Variants in CDH18 observed in about 807,000 individuals in gnomAD.
CDH18 encodes cadherin-18.
In CDH18, 31 loss-of-function variants were observed where a neutral mutation model predicts 67.9. The observed-to-expected ratio is 0.46, with a 90% confidence interval of 0.34 to 0.62. CDH18 has a LOEUF of 0.62. Among genes scored for constraint, CDH18 ranks in the 20% least tolerant of loss-of-function variants. The probability of loss-of-function intolerance (pLI) is 0.01; values close to 1 mark genes in which losing one functional copy is unlikely to be tolerated. For synonymous variants in CDH18, 362 were observed against 347.2 expected (o/e 1.04, Z -0.48); for missense variants, 890 against 975.5 (o/e 0.91, Z 1.17).
intron 1 of CDH18, among the ~76,000 whole-genome samples, chr5:20,383,520 G>T (rs1361843184): frequency 6.6e-6 from 1 of 152,062 alleles, no homozygotes; most frequent in Non-Finnish European, 1.5e-5. Flanking sequence ...TTTCTTTTTG[G>T]TTTGTTTTAT....
chr5:19,812,939 G>A (rs116592167), intron 3 of CDH18, among the ~76,000 whole-genome samples: 1,925 of 152,076 alleles, frequency 0.013, 36 homozygotes, highest in Non-Finnish European at 0.014. Context: ...GCACATATAC[G>A]TCATGGAATA....
At chr5:20,315,883 G>A (rs972675961) in intron 1 of CDH18, among the ~76,000 whole-genome samples, 2 of 152,012 alleles carry the variant, frequency 1.3e-5, no homozygotes, top group Non-Finnish European at 2.9e-5. Flanking sequence ...CTCTGACTCC[G>A]ACAAGAATGT....
At chr5:19,748,830 T>C (rs1205250072) in intron 3 of CDH18, among the ~76,000 whole-genome samples, 1 of 152,144 alleles carries the variant, frequency 6.6e-6, no homozygotes, top group Non-Finnish European at 1.5e-5. Context: ...AATGATAGTA[T>C]GGGAATAATT....
intron 3 of CDH18, among the ~76,000 whole-genome samples, chr5:19,748,134 G>GAA (rs1554022366): frequency 1.5e-5 from 1 of 67,136 alleles, no homozygotes; most frequent in East Asian, 5.9e-4. Context: ...AAAAAAAAAA[G>GAA]AGTACTTTTT....
intron 2 of CDH18, among the ~76,000 whole-genome samples, chr5:20,169,613 T>G (rs894500445): frequency 1.3e-5 from 2 of 152,146 alleles, no homozygotes; most frequent in Non-Finnish European, 2.9e-5. Flanking sequence ...TAGAATATTT[T>G]TAGTTAATTT....
intron 8 of CDH18, among the ~76,000 whole-genome samples, chr5:19,552,910 C>T (rs1737718128): frequency 6.6e-6 from 1 of 151,660 alleles, no homozygotes; most frequent in Non-Finnish European, 1.5e-5. Flanking sequence ...TATCATTCAA[C>T]TTCTGTACCA....
chr5:20,260,375 G>A (rs191632720), intron 1 of CDH18, among the ~76,000 whole-genome samples: 127 of 152,124 alleles, frequency 8.3e-4, no homozygotes, highest in Admixed American at 1.8e-3. Flanking sequence ...CTTCACAGTA[G>A]AGAATTGTGC....
chr5:19,641,313 A>AAAT, intron 5 of CDH18, among the ~76,000 whole-genome samples: 1 of 152,172 alleles, frequency 6.6e-6, no homozygotes. Context: ...ATAACAGAAG[A>AAAT]AATAGGAACA....
chr5:20,168,176 T>A (rs1580389425), intron 2 of CDH18, among the ~76,000 whole-genome samples: 1 of 152,180 alleles, frequency 6.6e-6, no homozygotes, highest in African/African-American at 2.4e-5. Flanking sequence ...ACAGCATTGC[T>A]AATTAAAAAT....
intron 1 of CDH18, among the ~76,000 whole-genome samples, chr5:20,273,761 T>C (rs1030739767): frequency 3.9e-5 from 6 of 152,142 alleles, no homozygotes; most frequent in Non-Finnish European, 7.4e-5. Context: ...ACTATGACAC[T>C]CACCCAAACA....
chr5:20,258,897 C>G (rs891146471), intron 1 of CDH18, among the ~76,000 whole-genome samples: 1 of 152,078 alleles, frequency 6.6e-6, no homozygotes, highest in Non-Finnish European at 1.5e-5. Context: ...CATATGAGGT[C>G]AAACCCTAGT....
chr5:19,680,352 T>C (rs986293785), intron 5 of CDH18, among the ~76,000 whole-genome samples: 9 of 151,984 alleles, frequency 5.9e-5, no homozygotes, highest in African/African-American at 2.2e-4. Flanking sequence ...AATACCATTT[T>C]TGACATAGGA....
intron 12 of CDH18, among the ~76,000 whole-genome samples, chr5:19,480,280 T>G (rs1579688372): frequency 6.6e-6 from 1 of 151,970 alleles, no homozygotes; most frequent in Non-Finnish European, 1.5e-5. Context: ...TCTTTTCAAA[T>G]ATACACAAAA....
At chr5:19,914,747 C>T (rs1791564863) in intron 2 of CDH18, among the ~76,000 whole-genome samples, 1 of 151,874 alleles carries the variant, frequency 6.6e-6, no homozygotes, top group Admixed American at 6.6e-5. Flanking sequence ...TTTTAGGGCC[C>T]AGGAATCAAT....
rs377073245 is a variant in CDH18 at position 20,517,841 on chromosome 5, G to GT, written c.-580+57620dup. ...AGGAAAATTTGAGGTGATTGTGGTT[G>GT]TTTCACCTAGGAAAAGTATTGGAAG... On this transcript the variant is annotated intron_variant, in intron 1 of 14. Transcript: ENST00000507958. Among the ~76,000 whole-genome samples the GT allele has an allele frequency of 1.8e-4, 28 of 152,178 alleles. No homozygotes were observed. The East Asian group carries it at 5.0e-3, about 27-fold the overall frequency.
rs1043717475 is a variant in CDH18 at position 19,485,598 on chromosome 5, G to A, written c.1631-2046C>T. Among the ~76,000 whole-genome samples, 4 of 152,162 alleles carry A rather than the reference G, an allele frequency of 2.6e-5. No individual in the cohort carries two copies. In the East Asian group the frequency reaches 5.8e-4, roughly 22 times the overall value. On this transcript the variant is annotated intron_variant, in intron 11 of 12. Transcript: ENST00000382275. ...ATGTTATAGGATAGAGAAAGAAGTG[G>A]AGAAATGACATCACGTGTATTATAT...
chr5:19,714,321 G>A lies in CDH18; in HGVS notation c.643+7026C>T, dbSNP rs1765082843. ...TGTTGCTACCCTGAGTAAAATCAGA[G>A]TTATGATATGACAGGCAAAATGAGA... On this transcript the variant is annotated intron_variant, in intron 5 of 12. Transcript: ENST00000382275. Among the ~76,000 whole-genome samples the A allele has an allele frequency of 1.3e-5, 2 of 152,078 alleles. 1 individual carries two copies. The highest frequency in any genetic ancestry group is 4.1e-4 in the South Asian group (2 of 4,824).
chr5:20,328,498 T>C (rs1738829105), intron 1 of CDH18, among the ~76,000 whole-genome samples: 1 of 149,252 alleles, frequency 6.7e-6, no homozygotes, highest in South Asian at 2.1e-4. Context: ...TGTGTGTGTG[T>C]GTGTGTGTGT....
rs1736446717 is a variant in CDH18 at position 20,168,240 on chromosome 5, TAATG to T, written c.-518+87200_-518+87203del. ...CAACATAACTTCTAAAATTAGAAAT[TAATG>T]ATGTATTTTGTACATATATAAAATT... On this transcript the variant is annotated intron_variant, in intron 2 of 14. Coordinates refer to the CDH18 transcript ENST00000507958. 5.3e-5 allele frequency among the ~76,000 whole-genome samples: 8 copies of T among 152,246 alleles called. 1 individual carries two copies. The South Asian group carries it at 1.7e-3, about 32-fold the overall frequency.
Sources: gnomAD v4.1 joint callset for allele counts (sites outside exome capture counted in the v4.1 genomes callset) on GRCh38, gnomAD v4.1.1 for gene constraint, MANE v1.5 for transcripts, NCBI Gene and HGNC (gene_info 2026-07-23, HGNC 2026-07-21) for gene names.